Variants in CARMIL1 observed in about 807,000 individuals in gnomAD.
CARMIL1 encodes the protein capping protein regulator and myosin 1 linker 1, also known as F-actin-uncapping protein LRRC16A.
A neutral mutation model predicts 177.1 loss-of-function variants in CARMIL1; 90 were observed. That is an observed-to-expected ratio of 0.51 (90% confidence interval 0.43 to 0.61). The LOEUF is 0.61. CARMIL1 is among the 20% of genes least tolerant of loss of function. The pLI is 0.00. For missense variants in CARMIL1, 1,380 were observed against 1,667.0 expected, an observed-to-expected ratio of 0.83 and a Z score of 3.00; for synonymous variants, 577 against 606.2, an observed-to-expected ratio of 0.95 and a Z score of 0.71.
At chr6:25,445,890 A>G (rs1022642958) in intron 5 of CARMIL1, among the ~76,000 whole-genome samples, 4 of 152,340 alleles carry the variant, frequency 2.6e-5, no homozygotes, top group Non-Finnish European at 1.5e-5. Context: ...ATTAGTAGGC[A>G]TGAAAACAAC....
intron 2 of CARMIL1, among the ~76,000 whole-genome samples, chr6:25,413,913 T>C (rs1795142814): frequency 6.6e-6 from 1 of 152,196 alleles, no homozygotes; most frequent in South Asian, 2.1e-4. Flanking sequence ...ATCTTTGTAT[T>C]TTTTGTTTGT....
intron 2 of CARMIL1, among the ~76,000 whole-genome samples, chr6:25,411,033 G>A (rs912752904): frequency 2.6e-5 from 4 of 152,056 alleles, no homozygotes; most frequent in Non-Finnish European, 5.9e-5. Context: ...CCTGTGTTGG[G>A]GAAGCAGAAG....
intron 23 of CARMIL1, among the ~76,000 whole-genome samples, chr6:25,524,380 G>A (rs1806883622): frequency 6.6e-6 from 1 of 152,158 alleles, no homozygotes; most frequent in African/African-American, 2.4e-5. Flanking sequence ...TTGTAATTAA[G>A]AAAGAGTTTC....
rs1412139417 is a variant in CARMIL1, at chr6:25,284,764, C to G, written c.41-48C>G. On this transcript the variant is annotated intron_variant, in intron 1 of 36. Transcript: ENST00000329474. ...ATACTCCTCCAAATGCTTACTCCTC[C>G]TCAGTGCTTTTTTTCTTATTAATAA... 3 of 1,067,220 alleles carry G rather than the reference C, an allele frequency of 2.8e-6. No homozygotes were observed. In the African/African-American group the frequency reaches 4.8e-5, roughly 17 times the overall value. 66.1% of individuals were successfully genotyped at this position (1,067,220 alleles called of 1,614,324 possible).
At chr6:25,537,701 C>T (rs1808442241) in intron 24 of CARMIL1, among the ~76,000 whole-genome samples, 154 bp from the exon 25 acceptor site, 1 of 152,188 alleles carries the variant, frequency 6.6e-6, no homozygotes, top group African/African-American at 2.4e-5. Context: ...AAGCAGCATT[C>T]TCAGTGACTC....
chr6:25,527,872 T>C (rs1317500672), intron 23 of CARMIL1, among the ~76,000 whole-genome samples: 1 of 152,206 alleles, frequency 6.6e-6, no homozygotes, highest in African/African-American at 2.4e-5. Flanking sequence ...GCTTCAGAGT[T>C]ATTAGTTAGT....
chr6:25,476,795 A>G (rs1166680521), intron 11 of CARMIL1, among the ~76,000 whole-genome samples: 1 of 152,146 alleles, frequency 6.6e-6, no homozygotes, highest in Non-Finnish European at 1.5e-5. Flanking sequence ...AAGGAAGCTC[A>G]AAGAAATACA....
chr6:25,570,435 A>G (rs978004204), intron 29 of CARMIL1, among the ~76,000 whole-genome samples: 1 of 152,222 alleles, frequency 6.6e-6, no homozygotes, highest in Non-Finnish European at 1.5e-5. Context: ...AGAAAAATGT[A>G]TTAAATTTTA....
At chr6:25,586,579 G>C (rs1359672150) in intron 31 of CARMIL1, among the ~76,000 whole-genome samples, 2,315 of 150,972 alleles carry the variant, frequency 0.015, 52 homozygotes, top group African/African-American at 0.049. Context: ...CTGCAATCTC[G>C]GCACTTTGGG....
rs368110627 is a variant in CARMIL1, at chr6:25,567,534, G to T, written c.2742+10684G>T. Among the ~76,000 whole-genome samples the T allele has an allele frequency of 2.4e-4, 36 of 152,272 alleles. No homozygotes were observed. The East Asian group carries it at 4.6e-3, about 20-fold the overall frequency. ...AAATTCAGCCCTTGTGGTTAATCAG[G>T]CTGTACTTCTTGCCCTAACTTTGAA... On this transcript the variant is annotated intron_variant, in intron 29 of 36. Transcript: ENST00000329474.
intron 2 of CARMIL1, among the ~76,000 whole-genome samples, chr6:25,376,686 T>C (rs1356808492): frequency 6.6e-6 from 1 of 152,206 alleles, no homozygotes; most frequent in African/African-American, 2.4e-5. Context: ...CTTATCTCAT[T>C]GCACTTTTTA....
intron 13 of CARMIL1, among the ~76,000 whole-genome samples, chr6:25,491,525 T>G (rs889773600): frequency 6.6e-6 from 1 of 152,214 alleles, no homozygotes; most frequent in African/African-American, 2.4e-5. Flanking sequence ...ATTTGGCCTT[T>G]TTTTAACTCA....
At chr6:25,389,903 A>G (rs932634481) in intron 2 of CARMIL1, among the ~76,000 whole-genome samples, 2 of 152,218 alleles carry the variant, frequency 1.3e-5, no homozygotes, top group Non-Finnish European at 1.5e-5. Context: ...GTGTTGAACT[A>G]TGTGCTAGGA....
At chr6:25,311,888 A>G (rs978561540) in intron 2 of CARMIL1, among the ~76,000 whole-genome samples, 24 of 152,330 alleles carry the variant, frequency 1.6e-4, no homozygotes, top group African/African-American at 5.8e-4. Flanking sequence ...ATTACTAGCC[A>G]CTGATTTTGT....
chr6:25,327,470 A>G (rs1233909762), intron 2 of CARMIL1, among the ~76,000 whole-genome samples: 1 of 152,244 alleles, frequency 6.6e-6, no homozygotes, highest in East Asian at 1.9e-4. Flanking sequence ...CAGGTTTTAG[A>G]TTAGAAGAAA....
In CARMIL1 at chr6:25,508,207, G is replaced by A. The variant is rs7738264; in HGVS notation, c.1396-1449G>A. Among the ~76,000 whole-genome samples, 58 of 151,974 alleles carry A rather than the reference G, an allele frequency of 3.8e-4. 1 individual carries two copies. Among genetic ancestry groups the A allele is most frequent in the African/African-American group, 1.3e-3 (52 of 41,432 alleles). On this transcript the variant is annotated intron_variant, in intron 17 of 36. Coordinates refer to ENST00000329474, the MANE Select transcript of CARMIL1 (RefSeq NM_017640.6). Reference sequence around the variant, plus strand: ...GGGGCATTTAGGTAAGCTGGAGAGCGCCTGAGAAAACAAGCAGGTGTAGTG... The same window carrying A: ...GGGGCATTTAGGTAAGCTGGAGAGCACCTGAGAAAACAAGCAGGTGTAGTG...
At chr6:25,503,792 C>T (rs1357874439) in intron 17 of CARMIL1, among the ~76,000 whole-genome samples, 5 of 152,104 alleles carry the variant, frequency 3.3e-5, no homozygotes, top group Non-Finnish European at 7.3e-5. Context: ...ATACCATTGC[C>T]ATCTTGGGAG....
intron 2 of CARMIL1, among the ~76,000 whole-genome samples, chr6:25,322,602 TACTA>T (rs374476106): frequency 7.9e-5 from 12 of 152,348 alleles, no homozygotes; most frequent in African/African-American, 2.4e-4. Flanking sequence ...ACCTTCCCTT[TACTA>T]ACTGTCTCCA....
chr6:25,296,050 C>G (rs889298754), intron 2 of CARMIL1, among the ~76,000 whole-genome samples: 3 of 152,300 alleles, frequency 2.0e-5, no homozygotes, highest in Non-Finnish European at 4.4e-5. Context: ...TAGAACTAGT[C>G]CAATGTCTTA....
Sources: allele counts gnomAD v4.1 joint callset (sites outside exome capture counted in the v4.1 genomes callset), GRCh38; gene constraint gnomAD v4.1.1; transcripts MANE v1.5; gene names NCBI Gene and HGNC (gene_info 2026-07-23, HGNC 2026-07-21).